SYT16: variants seen among roughly 807,000 people sequenced by gnomAD.
SYT16 encodes synaptotagmin-16.
In SYT16, 42 loss-of-function variants were observed where a neutral mutation model predicts 61.4. The observed-to-expected ratio is 0.68, with a 90% CI of 0.53 to 0.89. SYT16 has a LOEUF of 0.89. SYT16 is among the 40% of genes least tolerant of loss of function. The probability of loss-of-function intolerance (pLI) is 0.00; values close to 1 mark genes in which losing one functional copy is unlikely to be tolerated. For synonymous variants in SYT16, 314 were observed against 302.3 expected (o/e 1.04, Z -0.40); for missense variants, 804 against 807.3 (o/e 1.00, Z 0.05).
intron 2 of SYT16, among the ~76,000 whole-genome samples, chr14:61,971,831 A>G (rs1290954761): frequency 6.6e-6 from 1 of 152,246 alleles, no homozygotes; most frequent in East Asian, 1.9e-4. Flanking sequence ...TGAAAATAGA[A>G]TGGAATATTT....
chr14:62,011,395 A>T (rs780343537), intron 3 of SYT16, among the ~76,000 whole-genome samples: 2 of 152,182 alleles, frequency 1.3e-5, no homozygotes, highest in Non-Finnish European at 2.9e-5. Context: ...AAATAAAAAA[A>T]AACACCACCA....
At chr14:61,963,863 A>C (rs1331177259) in intron 1 of SYT16, among the ~76,000 whole-genome samples, 1 of 152,178 alleles carries the variant, frequency 6.6e-6, no homozygotes, top group East Asian at 1.9e-4. Flanking sequence ...ACCATTCAAA[A>C]AATTCCAGGA....
At chr14:61,979,368 A>G (rs1318279455) in intron 2 of SYT16, among the ~76,000 whole-genome samples, 1 of 152,190 alleles carries the variant, frequency 6.6e-6, no homozygotes, top group African/African-American at 2.4e-5. Context: ...ATAATGTAAA[A>G]TCAGCATAAT....
chr14:61,952,569 C>T (rs1268400918), intron 1 of SYT16, among the ~76,000 whole-genome samples: 1 of 152,178 alleles, frequency 6.6e-6, no homozygotes, highest in Non-Finnish European at 1.5e-5. Flanking sequence ...ACATGTAAAG[C>T]AGATAGGTTA....
intron 1 of SYT16, among the ~76,000 whole-genome samples, chr14:61,961,225 A>G (rs961182817): frequency 4.4e-4 from 67 of 152,246 alleles, no homozygotes; most frequent in African/African-American, 1.5e-3. Context: ...ATTTTATGAC[A>G]AAGATGCCAA....
chr14:61,947,267 CGTGT>C (rs59798244), intron 1 of SYT16, among the ~76,000 whole-genome samples: 1,802 of 125,888 alleles, frequency 0.014, 30 homozygotes, highest in African/African-American at 0.037. Flanking sequence ...TTTAGTCCTT[CGTGT>C]GTGTGTGTGT....
At chr14:62,006,563 C>G (rs2053234809) in intron 3 of SYT16, among the ~76,000 whole-genome samples, 1 of 152,112 alleles carries the variant, frequency 6.6e-6, no homozygotes, top group Non-Finnish European at 1.5e-5. Flanking sequence ...TTTCTGGGCA[C>G]TTACTAAGGA....
intron 3 of SYT16, among the ~76,000 whole-genome samples, chr14:62,031,943 G>T (rs2054323197): frequency 6.6e-6 from 1 of 152,108 alleles, no homozygotes. Context: ...CTAAAAGCAA[G>T]AGGCTGTAGA....
chr14:61,864,890 T>C, intron 1 of SYT16: 2 of 1,234,854 alleles, frequency 1.6e-6, no homozygotes, highest in South Asian at 1.3e-5. Flanking sequence ...AGTGACCAAC[T>C]GCGCGGATGG....
chr14:61,832,038 A>C, intron 1 of SYT16: 1 of 702,518 alleles, frequency 1.4e-6, no homozygotes, highest in Non-Finnish European at 2.7e-6. Context: ...CGTGAAGCCA[A>C]GGAAGAACAT....
intron 3 of SYT16, among the ~76,000 whole-genome samples, chr14:62,009,236 G>A (rs753636996): frequency 2.0e-5 from 3 of 152,124 alleles, no homozygotes; most frequent in Non-Finnish European, 2.9e-5. Context: ...CCAAATCTTA[G>A]GAGGTTTACA....
At chr14:61,840,029 A>G (rs1422325340) in intron 1 of SYT16, among the ~76,000 whole-genome samples, 2 of 152,176 alleles carry the variant, frequency 1.3e-5, no homozygotes, top group Non-Finnish European at 2.9e-5. Context: ...CAGACAATTC[A>G]TGGGGAATGT....
intron 3 of SYT16, among the ~76,000 whole-genome samples, chr14:62,039,725 T>C (rs1001762322): frequency 6.6e-6 from 1 of 152,068 alleles, no homozygotes; most frequent in Non-Finnish European, 1.5e-5. Flanking sequence ...GAGGCAGATC[T>C]TGAACAGAGA....
chr14:61,958,941 C>A (rs1049270081), intron 1 of SYT16, among the ~76,000 whole-genome samples: 4 of 152,014 alleles, frequency 2.6e-5, no homozygotes, highest in Admixed American at 6.6e-5. Context: ...ATGTTTGGAG[C>A]ATATATATTT....
chr14:62,029,531 C>T (rs2054230241), intron 3 of SYT16, among the ~76,000 whole-genome samples: 1 of 152,190 alleles, frequency 6.6e-6, no homozygotes, highest in Admixed American at 6.5e-5. Flanking sequence ...TGACATGTTA[C>T]ACTTCCTTTC....
chr14:62,002,620 G>A (rs564564242), intron 3 of SYT16, among the ~76,000 whole-genome samples: 1 of 152,086 alleles, frequency 6.6e-6, no homozygotes, highest in East Asian at 1.9e-4. Flanking sequence ...CTCTCTCCCC[G>A]GAGACAGGGG....
At chr14:61,976,266 G>A (rs1459564612) in intron 2 of SYT16, among the ~76,000 whole-genome samples, 2 of 152,178 alleles carry the variant, frequency 1.3e-5, no homozygotes, top group African/African-American at 2.4e-5. Context: ...GCATTGAGTG[G>A]CTGTGGCTTT....
intron 3 of SYT16, among the ~76,000 whole-genome samples, chr14:62,056,061 T>A (rs185490283): frequency 4.3e-4 from 65 of 152,236 alleles, no homozygotes; most frequent in African/African-American, 1.5e-3. Flanking sequence ...CCCTGCTTTT[T>A]TTTTTTTTGC....
chr14:62,056,688 G>A (rs1595295228), intron 3 of SYT16, among the ~76,000 whole-genome samples: 1 of 152,174 alleles, frequency 6.6e-6, no homozygotes, highest in African/African-American at 2.4e-5. Context: ...GGCCTTGGAG[G>A]TTAGGACTGG....
Sources: allele counts gnomAD v4.1 joint callset (sites outside exome capture counted in the v4.1 genomes callset), GRCh38; gene constraint gnomAD v4.1.1; transcripts MANE v1.5; gene names NCBI Gene and HGNC (gene_info 2026-07-23, HGNC 2026-07-21).